CCDC91: variants seen among roughly 807,000 people sequenced by gnomAD.
CCDC91 encodes coiled-coil domain containing 91, also known as coiled-coil domain-containing protein 91.
In CCDC91, 48 loss-of-function variants were observed where a neutral mutation model predicts 63.2. That is an observed-to-expected ratio of 0.76 (90% CI 0.60 to 0.97). The LOEUF is 0.97. CCDC91 is among the 50% of genes least tolerant of loss of function. The pLI, the probability that CCDC91 is intolerant of heterozygous loss-of-function variation, is 0.00. For missense variants in CCDC91, 500 were observed against 494.6 expected, an observed-to-expected ratio of 1.01 and a Z score of -0.10; for synonymous variants, 167 against 165.8, an observed-to-expected ratio of 1.01 and a Z score of -0.06.
intron 6 of CCDC91, among the ~76,000 whole-genome samples, chr12:28,331,222 A>T (rs938101862): frequency 6.6e-6 from 1 of 152,186 alleles, no homozygotes; most frequent in Non-Finnish European, 1.5e-5. Context: ...CAGGCTAAAT[A>T]CTACTTTCTA....
At chr12:28,298,776 G>A (rs7964793) in intron 3 of CCDC91, among the ~76,000 whole-genome samples, 107,018 of 149,800 alleles carry the variant, frequency 0.71, 38,575 homozygotes, top group East Asian at 0.95. Flanking sequence ...GTGCTTGTGT[G>A]CACATATATA....
chr12:28,275,101 G>A (rs1948102875), intron 3 of CCDC91, among the ~76,000 whole-genome samples: 1 of 151,978 alleles, frequency 6.6e-6, no homozygotes, highest in Non-Finnish European at 1.5e-5. Context: ...CTAGCAGAAG[G>A]CAAGAAATAA....
At chr12:28,488,803 A>G (rs1951853638) in intron 12 of CCDC91, among the ~76,000 whole-genome samples, 1 of 152,002 alleles carries the variant, frequency 6.6e-6, no homozygotes, top group Non-Finnish European at 1.5e-5. Context: ...GGTACCTGCA[A>G]GTACAGTGAT....
chr12:28,423,619 G>A (rs1488745775), intron 8 of CCDC91, among the ~76,000 whole-genome samples: 1 of 152,094 alleles, frequency 6.6e-6, no homozygotes, highest in African/African-American at 2.4e-5. Context: ...GAATAGTGGG[G>A]CTGAATTCAA....
chr12:28,317,082 T>G (rs905178943), intron 6 of CCDC91, among the ~76,000 whole-genome samples: 1 of 152,030 alleles, frequency 6.6e-6, no homozygotes, highest in South Asian at 2.1e-4. Context: ...TTGCCATGTC[T>G]GTCTGATGTC....
chr12:28,393,266 C>T (rs1368148320), intron 8 of CCDC91, among the ~76,000 whole-genome samples: 1 of 152,006 alleles, frequency 6.6e-6, no homozygotes, highest in African/African-American at 2.4e-5. Flanking sequence ...CAAATAGTTA[C>T]AGTTAAGGGT....
chr12:28,444,807 T>G (rs1282250971), intron 8 of CCDC91, among the ~76,000 whole-genome samples: 1 of 151,806 alleles, frequency 6.6e-6, no homozygotes, highest in East Asian at 1.9e-4. Flanking sequence ...TAACAAACCT[T>G]CACATGTACT....
intron 8 of CCDC91, among the ~76,000 whole-genome samples, chr12:28,410,508 TTTTGTTTGTTTG>T (rs148780583): frequency 6.6e-6 from 1 of 151,974 alleles, no homozygotes; most frequent in African/African-American, 2.4e-5. Context: ...TGTATGTGTT[TTTTGTTTGTTTG>T]TTTGTTTGTT....
chr12:28,406,142 T>C (rs1946925434), intron 8 of CCDC91, among the ~76,000 whole-genome samples: 2 of 152,138 alleles, frequency 1.3e-5, no homozygotes, highest in African/African-American at 4.8e-5. Flanking sequence ...GTTTGTTACA[T>C]AGGTAAGCGT....
chr12:28,441,760 G>A (rs1949237645), intron 8 of CCDC91, among the ~76,000 whole-genome samples: 1 of 148,272 alleles, frequency 6.7e-6, no homozygotes, highest in African/African-American at 2.5e-5. Flanking sequence ...ATATATATAT[G>A]TATATGTGTA....
chr12:28,225,528 GC>G (rs1944213573), intron 1 of CCDC91, among the ~76,000 whole-genome samples: 1 of 151,900 alleles, frequency 6.6e-6, no homozygotes, highest in Non-Finnish European at 1.5e-5. Context: ...TCGGCTCACT[GC>G]AACCTCCGCC....
intron 12 of CCDC91, among the ~76,000 whole-genome samples, chr12:28,535,696 A>G (rs2141696038): frequency 6.6e-6 from 1 of 152,254 alleles, no homozygotes; most frequent in African/African-American, 2.4e-5. Context: ...AGTAACTTTT[A>G]CCAGATTTTA....
At chr12:28,472,973 G>T (rs746948372) in intron 11 of CCDC91, among the ~76,000 whole-genome samples, 2 of 152,114 alleles carry the variant, frequency 1.3e-5, no homozygotes, top group Non-Finnish European at 2.9e-5. Flanking sequence ...TGTTGCACAG[G>T]AAGTGTATAA....
At chr12:28,500,255 A>G (rs1952564946) in intron 12 of CCDC91, among the ~76,000 whole-genome samples, 1 of 150,706 alleles carries the variant, frequency 6.6e-6, no homozygotes, top group South Asian at 2.1e-4. Flanking sequence ...CCTTTGTCAG[A>G]TGGATAGATT....
At chr12:28,409,470 A>T (rs1947179873) in intron 8 of CCDC91, among the ~76,000 whole-genome samples, 1 of 152,026 alleles carries the variant, frequency 6.6e-6, no homozygotes, top group Non-Finnish European at 1.5e-5. Context: ...AGTTTATTAG[A>T]GATTTATCAA....
chr12:28,208,894 G>C (rs1247220228), intron 1 of CCDC91, among the ~76,000 whole-genome samples: 1 of 152,182 alleles, frequency 6.6e-6, no homozygotes, highest in East Asian at 1.9e-4. Context: ...TCTGCCTCCC[G>C]GGTTCACGCC....
At chr12:28,354,520 T>C (rs779834737) in intron 6 of CCDC91, among the ~76,000 whole-genome samples, 6 of 152,178 alleles carry the variant, frequency 3.9e-5, no homozygotes, top group Non-Finnish European at 8.8e-5. Context: ...GAGGTCATAA[T>C]TCAACCCACT....
At chr12:28,335,956 A>G (rs1443918071) in intron 6 of CCDC91, among the ~76,000 whole-genome samples, 1 of 151,870 alleles carries the variant, frequency 6.6e-6, no homozygotes, top group East Asian at 1.9e-4. Context: ...TTTTTTTAAA[A>G]AAAAACCACA....
intron 8 of CCDC91, among the ~76,000 whole-genome samples, chr12:28,425,433 C>T (rs955899999): frequency 1.3e-5 from 2 of 152,118 alleles, no homozygotes; most frequent in African/African-American, 4.8e-5. Flanking sequence ...CTCTATAAAA[C>T]TGCCAGAGCC....
Sources: allele counts gnomAD v4.1 joint callset (sites outside exome capture counted in the v4.1 genomes callset), GRCh38; gene constraint gnomAD v4.1.1; transcripts MANE v1.5; gene names NCBI Gene and HGNC (gene_info 2026-07-23, HGNC 2026-07-21).